Variants in PTPRD observed in about 807,000 individuals in gnomAD.
PTPRD encodes receptor-type tyrosine-protein phosphatase delta.
A neutral mutation model predicts 214.5 loss-of-function variants in PTPRD; 34 were observed. That is an observed-to-expected ratio of 0.16 (90% CI 0.12 to 0.21). The LOEUF (loss-of-function observed/expected upper bound fraction) is 0.21. Among genes scored for constraint, PTPRD ranks in the 10% least tolerant of loss-of-function variants. The pLI is 1.00. For missense variants in PTPRD, 2,545 were observed against 2,398.7 expected, an observed-to-expected ratio of 1.06 and a Z score of -1.27; for synonymous variants, 1,128 against 845.7, an observed-to-expected ratio of 1.33 and a Z score of -5.79.
intron 9 of PTPRD, among the ~76,000 whole-genome samples, chr9:9,366,142 T>TC (rs1214088118): frequency 6.6e-6 from 1 of 151,426 alleles, no homozygotes; most frequent in Non-Finnish European, 1.5e-5. Flanking sequence ...TGGAAGGAAC[T>TC]CCTGTGAAAT....
chr9:8,841,101 C>T (rs1475498815), intron 11 of PTPRD, among the ~76,000 whole-genome samples: 1 of 152,122 alleles, frequency 6.6e-6, no homozygotes, highest in African/African-American at 2.4e-5. Context: ...AAATGTGTGG[C>T]TGTTTCATTA....
intron 5 of PTPRD, among the ~76,000 whole-genome samples, chr9:9,807,130 G>A (rs576895286): frequency 2.6e-5 from 4 of 152,174 alleles, no homozygotes; most frequent in East Asian, 1.9e-4. Flanking sequence ...CACTCCCGCT[G>A]CAAAACTTGC....
chr9:9,105,058 T>C (rs2099796571), intron 10 of PTPRD, among the ~76,000 whole-genome samples: 1 of 152,178 alleles, frequency 6.6e-6, no homozygotes, highest in Admixed American at 6.5e-5. Flanking sequence ...AGATAATACA[T>C]ATCCTATTTA....
chr9:8,463,224 G>C (rs1332942674), intron 32 of PTPRD, among the ~76,000 whole-genome samples: 1 of 141,080 alleles, frequency 7.1e-6, no homozygotes, highest in East Asian at 2.2e-4. Context: ...GCCCAGGAAA[G>C]AGACTGACTA....
At chr9:8,562,915 G>C (rs946110621) in intron 14 of PTPRD, among the ~76,000 whole-genome samples, 3 of 133,532 alleles carry the variant, frequency 2.2e-5, no homozygotes, top group Non-Finnish European at 3.2e-5. Context: ...GTTAATTTTT[G>C]TATTTGGTGC....
intron 2 of PTPRD, among the ~76,000 whole-genome samples, chr9:10,539,117 T>C (rs1049495324): frequency 6.6e-6 from 1 of 152,188 alleles, no homozygotes; most frequent in African/African-American, 2.4e-5. Context: ...CACTTACTTA[T>C]ACAGGTCAAA....
intron 8 of PTPRD, among the ~76,000 whole-genome samples, chr9:9,485,561 T>C (rs2095594529): frequency 6.6e-6 from 1 of 152,206 alleles, no homozygotes; most frequent in Non-Finnish European, 1.5e-5. Flanking sequence ...CTTCCTTAGT[T>C]GCTTAGTAGA....
intron 10 of PTPRD, among the ~76,000 whole-genome samples, chr9:9,023,154 T>C (rs1253566497): frequency 6.6e-6 from 1 of 152,126 alleles, no homozygotes; most frequent in Admixed American, 6.6e-5. Context: ...TTGTACAGTG[T>C]AAAGTACTAT....
At chr9:9,211,874 C>T (rs1241978401) in intron 9 of PTPRD, among the ~76,000 whole-genome samples, 3 of 151,754 alleles carry the variant, frequency 2.0e-5, no homozygotes, top group African/African-American at 7.3e-5. Context: ...GCCCAGGTTA[C>T]ACAACTGTTT....
At position 8,568,700 on chromosome 9, in the gene PTPRD, A is replaced by T. The variant is rs183825484; in HGVS notation, c.353-39921T>A. ...CAACAACAAATTCTACTGATTTTTGAATCAAAAGTCAAATAAAAACCTCCA... is the reference window on the plus strand; with the variant it reads ...CAACAACAAATTCTACTGATTTTTGTATCAAAAGTCAAATAAAAACCTCCA... On this transcript the variant is annotated intron_variant, in intron 14 of 45. Transcript: ENST00000381196. Among the ~76,000 whole-genome samples the T allele has an allele frequency of 1.1e-3, 175 of 152,256 alleles. 1 individual carries two copies. Among genetic ancestry groups the T allele is most frequent in the African/African-American group, 4.1e-3 (171 of 41,562 alleles).
At chr9:9,809,264 A>ATTTT (rs58701533) in intron 5 of PTPRD, among the ~76,000 whole-genome samples, 1 of 118,202 alleles carries the variant, frequency 8.5e-6, no homozygotes, top group African/African-American at 3.1e-5. Flanking sequence ...GCCACAAGAG[A>ATTTT]TTTTTTTTTT....
chr9:9,818,220 T>C lies in PTPRD; in HGVS notation c.-367-51369A>G, dbSNP rs1598667291. On this transcript the variant is annotated intron_variant, in intron 5 of 45. Coordinates refer to ENST00000381196, the MANE Select transcript of PTPRD (RefSeq NM_002839.4). ...AGACCTAAAGAAATCGGTCTTTAAA[T>C]GGTGAAATCTCCAAAATTGCAGTAA... Among the ~76,000 whole-genome samples, 4 of 152,262 alleles carry C rather than the reference T, an allele frequency of 2.6e-5. No individual in the cohort carries two copies. The South Asian group carries it at 8.3e-4, about 32-fold the overall frequency.
intron 3 of PTPRD, among the ~76,000 whole-genome samples, chr9:10,043,015 C>A (rs1245597732): frequency 6.6e-6 from 1 of 151,836 alleles, no homozygotes; most frequent in East Asian, 1.9e-4. Context: ...AATCTGAGTT[C>A]TAACACAAAT....
chr9:10,146,150 C>CATATATATATATATAT (rs56191246), intron 3 of PTPRD, among the ~76,000 whole-genome samples: 181 of 147,356 alleles, frequency 1.2e-3, no homozygotes, highest in African/African-American at 4.2e-3. Flanking sequence ...TGAAATCATC[C>CATATATATATATATAT]ATATATATAT....
intron 7 of PTPRD, among the ~76,000 whole-genome samples, chr9:9,636,450 A>C (rs2095769773): frequency 6.6e-6 from 1 of 152,190 alleles, no homozygotes; most frequent in African/African-American, 2.4e-5. Context: ...ATTCAAACAT[A>C]TAGATATAGA....
chr9:9,194,057 AC>A (rs1371645359), intron 9 of PTPRD, among the ~76,000 whole-genome samples: 3 of 152,086 alleles, frequency 2.0e-5, no homozygotes, highest in African/African-American at 7.2e-5. Flanking sequence ...TAATCTTTAT[AC>A]TTTAAAAATA....
chr9:8,979,051 C>T lies in PTPRD; in HGVS notation c.-104+39646G>A, dbSNP rs1233136288. 3.3e-5 allele frequency among the ~76,000 whole-genome samples: 5 copies of T among 152,166 alleles called. No homozygotes were observed. The South Asian group carries it at 1.0e-3, about 32-fold the overall frequency. On this transcript the variant is annotated intron_variant, in intron 11 of 45. Coordinates refer to ENST00000381196, the MANE Select transcript of PTPRD (RefSeq NM_002839.4). Reference sequence around the variant, plus strand: ...GAAAAATCTCAACTTTGGCAACAGACCCAAACTTGTAATTCATTTCTTGTA... The same window carrying T: ...GAAAAATCTCAACTTTGGCAACAGATCCAAACTTGTAATTCATTTCTTGTA...
intron 9 of PTPRD, among the ~76,000 whole-genome samples, chr9:9,262,781 C>T (rs2099980710): frequency 2.6e-5 from 4 of 151,532 alleles, no homozygotes. Context: ...TATATGAATA[C>T]ATAAAACAAT....
At chr9:8,634,968 T>C (rs936109128) in intron 13 of PTPRD, among the ~76,000 whole-genome samples, 4 of 150,982 alleles carry the variant, frequency 2.6e-5, no homozygotes, top group African/African-American at 9.7e-5. Context: ...GCACTGGGGA[T>C]AGAAGAGGGA....
Sources: gnomAD v4.1 joint callset for allele counts (sites outside exome capture counted in the v4.1 genomes callset) on GRCh38, gnomAD v4.1.1 for gene constraint, MANE v1.5 for transcripts, NCBI Gene and HGNC (gene_info 2026-07-23, HGNC 2026-07-21) for gene names.